The following LGR6 variants were observed in gnomAD, a reference collection of about 807,000 sequenced individuals.
LGR6 encodes leucine-rich repeat-containing G protein-coupled receptor 6.
LGR6 carries 45 observed loss-of-function variants against 69.4 expected under a neutral mutation model. The observed-to-expected ratio is 0.65, with a 90% CI of 0.51 to 0.83. The LOEUF is 0.83. Ranked by LOEUF, LGR6 falls within the 40% of genes least tolerant of loss-of-function variation. LGR6 has a pLI of 0.00. For synonymous variants in LGR6, 538 were observed against 555.0 expected, an observed-to-expected ratio of 0.97 and a Z score of 0.43; for missense variants, 1,108 against 1,246.7, an observed-to-expected ratio of 0.89 and a Z score of 1.68.
At chr1:202,285,496 G>GA (rs1452345683) in intron 6 of LGR6, among the ~76,000 whole-genome samples, 2 of 152,228 alleles carry the variant, frequency 1.3e-5, no homozygotes, top group African/African-American at 4.8e-5. Context: ...TCCACAGATA[G>GA]AAAATGGGGA....
intron 3 of LGR6, among the ~76,000 whole-genome samples, chr1:202,231,462 A>T (rs1661063625): frequency 6.6e-6 from 1 of 152,110 alleles, no homozygotes. Flanking sequence ...AAGTGATGGG[A>T]TGACAGGGAG....
intron 4 of LGR6, among the ~76,000 whole-genome samples, chr1:202,275,383 G>A (rs1665462029): frequency 6.6e-6 from 1 of 152,230 alleles, no homozygotes; most frequent in South Asian, 2.1e-4. Flanking sequence ...TGTTGATAAA[G>A]GCTGTCGTGG....
intron 4 of LGR6, among the ~76,000 whole-genome samples, chr1:202,270,388 G>A (rs562792066): frequency 4.4e-4 from 67 of 152,274 alleles, no homozygotes; most frequent in Middle Eastern, 6.8e-3. Flanking sequence ...GATTATAGGC[G>A]TGTGCCACCA....
intron 4 of LGR6, among the ~76,000 whole-genome samples, chr1:202,271,389 C>G (rs1223699585): frequency 6.6e-6 from 1 of 152,148 alleles, no homozygotes; most frequent in South Asian, 2.1e-4. Context: ...CCAGAGAGCA[C>G]CTTATCCTAC....
At chr1:202,237,525 T>TA (rs370415146) in intron 4 of LGR6, among the ~76,000 whole-genome samples, 52 of 152,290 alleles carry the variant, frequency 3.4e-4, no homozygotes, top group Admixed American at 5.2e-4. Flanking sequence ...TTTACTTTTT[T>TA]AAAAAAAATC....
intron 9 of LGR6, among the ~76,000 whole-genome samples, chr1:202,302,196 G>A (rs1030564649): frequency 6.6e-6 from 1 of 152,158 alleles, no homozygotes; most frequent in South Asian, 2.1e-4. Context: ...GCCTACTGTG[G>A]CGTCACAGTA....
rs150034488 is a variant in LGR6 at position 202,237,100 on chromosome 1, G to T, written c.428+1107G>T. On this transcript the variant is annotated intron_variant, in intron 4 of 17. Coordinates refer to ENST00000367278, the MANE Select transcript of LGR6 (RefSeq NM_001017403.2). The stretch of plus-strand genomic sequence containing the variant: ...GGGTGCCCTCTACCCTCCTGCCTCT[G>T]TGTCTGGTCCCTGGCACCCCTCAGC... 1.1e-3 allele frequency among the ~76,000 whole-genome samples: 165 copies of T among 152,282 alleles called. 2 individuals are homozygous for T. The South Asian group carries it at 0.019, about 17-fold the overall frequency.
rs755009342 is a variant in LGR6 at position 202,304,581 on chromosome 1, C to T, written c.1021C>T (p.Arg341Trp). 5.0e-6 allele frequency: 8 copies of T among 1,610,724 alleles called. No homozygotes were observed. Among genetic ancestry groups the T allele is most frequent in the African/African-American group, 1.3e-5 (1 of 74,994 alleles). ...EILTLTRAGI[R>W]LLPSGMCQQL... ...CAGGACCCTGACCCGCGCAGGCATCCGGCTGCTCCCATCGGGGATGTGCCA... is the reference window on the plus strand; with the variant it reads ...CAGGACCCTGACCCGCGCAGGCATCTGGCTGCTCCCATCGGGGATGTGCCA... Residue 341 changes from arginine to tryptophan, a missense_variant, in exon 11 of 18, where the codon CGG becomes TGG. Physicochemically the swap from Arg to Trp is moderately radical, Grantham distance 101. Coordinates refer to ENST00000367278, the MANE Select transcript of LGR6 (RefSeq NM_001017403.2).
intron 1 of LGR6, among the ~76,000 whole-genome samples, chr1:202,208,855 C>A (rs935886087): frequency 2.0e-5 from 3 of 152,116 alleles, no homozygotes; most frequent in Admixed American, 6.5e-5. Context: ...CCTGGGCTAA[C>A]CCCTGGAACC....
At chr1:202,204,430 A>AAC (rs139246238) in intron 1 of LGR6, among the ~76,000 whole-genome samples, 5 of 60,762 alleles carry the variant, frequency 8.2e-5, no homozygotes, top group South Asian at 7.7e-4. Context: ...CACACCTCCA[A>AAC]ACACACACAC....
chr1:202,302,875 GCAGATGA>G (rs368940741), intron 9 of LGR6, among the ~76,000 whole-genome samples: 72 of 152,280 alleles, frequency 4.7e-4, no homozygotes, highest in African/African-American at 1.7e-3. Flanking sequence ...TAAAGTTCCA[GCAGATGA>G]CAATTTAGGG....
At chr1:202,215,022 C>T (rs78228756) in intron 1 of LGR6, among the ~76,000 whole-genome samples, 1,526 of 73,776 alleles carry the variant, frequency 0.021, 23 homozygotes, top group African/African-American at 0.056. Flanking sequence ...TGTGTGTGTG[C>T]GCGCGCGCGC....
At chr1:202,253,458 A>G (rs1383193410) in intron 4 of LGR6, among the ~76,000 whole-genome samples, 2 of 150,574 alleles carry the variant, frequency 1.3e-5, no homozygotes, top group African/African-American at 4.9e-5. Flanking sequence ...GCCCACCACC[A>G]TGCCTGGCTA....
intron 6 of LGR6, 104 bp downstream of exon 6, chr1:202,280,956 TGCTGGGGTCTGGCCCCGG>T (rs1665958536): frequency 9.7e-7 from 1 of 1,026,476 alleles, no homozygotes. Flanking sequence ...AGTCCTGGGA[TGCTGGGGTCTGGCCCCGG>T]GCTTGTTTAC....
At chr1:202,314,592 C>G (rs1299658698) in intron 16 of LGR6, among the ~76,000 whole-genome samples, 1 of 152,232 alleles carries the variant, frequency 6.6e-6, no homozygotes, top group Non-Finnish European at 1.5e-5. Context: ...TTGCTGTGCA[C>G]TCTTCAGTGC....
chr1:202,232,772 GAAAACATCGTCACA>G (rs893091803), intron 3 of LGR6, among the ~76,000 whole-genome samples: 1 of 152,192 alleles, frequency 6.6e-6, no homozygotes, highest in Non-Finnish European at 1.5e-5. Flanking sequence ...AAAGAAGTAG[GAAAACATCGTCACA>G]AAAGCATTGG....
intron 1 of LGR6, among the ~76,000 whole-genome samples, chr1:202,212,232 G>A (rs1288152611): frequency 6.6e-6 from 1 of 152,162 alleles, no homozygotes; most frequent in Non-Finnish European, 1.5e-5. Context: ...TCAAGGGGGT[G>A]AGAATGACTT....
intron 3 of LGR6, among the ~76,000 whole-genome samples, chr1:202,233,616 T>C (rs1339962954): frequency 6.6e-6 from 1 of 152,168 alleles, no homozygotes; most frequent in Non-Finnish European, 1.5e-5. Context: ...ATGCACCTTC[T>C]GGCAGCCTCT....
chr1:202,263,198 C>T (rs1654742531), intron 4 of LGR6, among the ~76,000 whole-genome samples: 1 of 152,126 alleles, frequency 6.6e-6, no homozygotes, highest in African/African-American at 2.4e-5. Flanking sequence ...TCTTGGCGCA[C>T]TGCAACCTCC....
Sources: gnomAD v4.1 joint callset for allele counts (sites outside exome capture counted in the v4.1 genomes callset) on GRCh38, gnomAD v4.1.1 for gene constraint, MANE v1.5 for transcripts, NCBI Gene and HGNC (gene_info 2026-07-23, HGNC 2026-07-21) for gene names.